The following LGSN variants were observed in gnomAD, a reference collection of about 807,000 sequenced individuals.
LGSN encodes the protein lengsin, lens protein with glutamine synthetase domain.
A neutral mutation model predicts 19.5 loss-of-function variants in LGSN; 21 were observed. That is an observed-to-expected ratio of 1.07 (90% CI 0.76 to 1.55). The LOEUF is 1.55. Ranked by LOEUF, LGSN falls within the 40% of genes most tolerant of loss-of-function variation. The pLI, the probability that LGSN is intolerant of heterozygous loss-of-function variation, is 0.00. For missense variants in LGSN, 673 were observed against 608.5 expected (o/e 1.11, Z -1.12); for synonymous variants, 257 against 215.6 (o/e 1.19, Z -1.68).
the LGSN span, among the ~76,000 whole-genome samples, chr6:63,435,737 A>T: frequency 6.6e-6 from 1 of 152,070 alleles, no homozygotes; most frequent in African/African-American, 2.4e-5. Flanking sequence ...AGTGGGTCGC[A>T]CTCAGTATCT....
At chr6:63,504,274 C>T in the LGSN span, among the ~76,000 whole-genome samples, 5 of 149,216 alleles carry the variant, frequency 3.4e-5, no homozygotes, top group African/African-American at 1.0e-4. Flanking sequence ...CAGAGTCTCG[C>T]TCTGTTGCCC....
the LGSN span, among the ~76,000 whole-genome samples, chr6:63,561,418 A>T: frequency 6.6e-6 from 1 of 152,222 alleles, no homozygotes; most frequent in South Asian, 2.1e-4. Context: ...CAACCAGCAC[A>T]TTCAGTACAG....
Position 63,276,933 on chromosome 6 carries a change from G to T in LGSN, c.*3088C>A, listed in dbSNP as rs2127378296. 1 of 152,282 alleles carries T rather than the reference G, an allele frequency of 6.6e-6. No individual in the cohort carries two copies. The highest frequency in any genetic ancestry group is 1.9e-4 in the East Asian group (1 of 5,188). 9.4% of individuals were successfully genotyped at this position (152,282 alleles called of 1,614,324 possible). On this transcript the variant is annotated 3_prime_UTR_variant, in exon 4 of 4. Coordinates refer to ENST00000370657, the MANE Select transcript of LGSN (RefSeq NM_016571.3). The stretch of plus-strand genomic sequence containing the variant: ...TTTGTCTTTGGCCCTGAACTCTGCT[G>T]GCCAATGCCTCTTTTTGGGTTGCCT...
At chr6:63,551,859 A>C in the LGSN span, among the ~76,000 whole-genome samples, 1 of 152,222 alleles carries the variant, frequency 6.6e-6, no homozygotes, top group Admixed American at 6.5e-5. Flanking sequence ...ACGTCCCTAC[A>C]AAGGACATGA....
chr6:63,404,891 G>A, the LGSN span, among the ~76,000 whole-genome samples: 1 of 151,752 alleles, frequency 6.6e-6, no homozygotes, highest in Non-Finnish European at 1.5e-5. Flanking sequence ...TGCCATGCTG[G>A]TGCACTGCAC....
the LGSN span, among the ~76,000 whole-genome samples, chr6:63,461,367 T>A: frequency 7.2e-5 from 11 of 152,300 alleles, no homozygotes; most frequent in South Asian, 2.1e-3. Flanking sequence ...TGTGCTCTTT[T>A]GGTTTTCTCT....
intron 2 of LGSN, among the ~76,000 whole-genome samples, chr6:63,286,999 T>C (rs1767565349): frequency 1.3e-5 from 2 of 152,194 alleles, no homozygotes; most frequent in Admixed American, 1.3e-4. Flanking sequence ...CAAACACCCA[T>C]CAATCTCTCA....
At chr6:63,412,501 AGAAAGAAAGAAAGAAAGAAAGAAAGAAG>A in the LGSN span, among the ~76,000 whole-genome samples, 185 of 109,152 alleles carry the variant, frequency 1.7e-3, 3 homozygotes, top group Admixed American at 7.5e-3. Context: ...AAAGAAAGAA[AGAAAGAAAGAAAGAAAGAAAGAAAGAAG>A]GAAAGAAAGA....
intron 1 of LGSN, among the ~76,000 whole-genome samples, chr6:63,311,137 G>A (rs1298651353): frequency 6.6e-6 from 1 of 152,136 alleles, no homozygotes; most frequent in Non-Finnish European, 1.5e-5. Context: ...TACTGGTAAA[G>A]CCATGTTTAT....
the LGSN span, among the ~76,000 whole-genome samples, chr6:63,474,866 T>C: frequency 7.0e-6 from 1 of 143,154 alleles, no homozygotes; most frequent in African/African-American, 2.6e-5. Context: ...GAGGTTGCGA[T>C]GATTTGAGAA....
the LGSN span, among the ~76,000 whole-genome samples, chr6:63,473,896 T>TA: frequency 6.7e-6 from 1 of 148,680 alleles, no homozygotes. Context: ...CATAATCATT[T>TA]AAAAAGCCCA....
At chr6:63,552,080 A>C in the LGSN span, among the ~76,000 whole-genome samples, 1 of 152,288 alleles carries the variant, frequency 6.6e-6, no homozygotes, top group Admixed American at 6.5e-5. Context: ...GCTGGGTCAA[A>C]TGGTATTTCT....
At chr6:63,436,750 T>C in the LGSN span, among the ~76,000 whole-genome samples, 2 of 152,132 alleles carry the variant, frequency 1.3e-5, no homozygotes, top group Non-Finnish European at 2.9e-5. Flanking sequence ...AAGATATTCT[T>C]AGAGGCTGGG....
At chr6:63,496,908 C>A in the LGSN span, among the ~76,000 whole-genome samples, 1 of 152,024 alleles carries the variant, frequency 6.6e-6, no homozygotes, top group Non-Finnish European at 1.5e-5. Flanking sequence ...TGTATAGGAT[C>A]CAAAGATAGT....
chr6:63,439,274 C>T, the LGSN span, among the ~76,000 whole-genome samples: 3 of 152,172 alleles, frequency 2.0e-5, no homozygotes, highest in East Asian at 5.8e-4. Flanking sequence ...TTAATGGGTG[C>T]AGCACACCAG....
At chr6:63,329,941 G>T in the LGSN span, among the ~76,000 whole-genome samples, 1 of 152,200 alleles carries the variant, frequency 6.6e-6, no homozygotes, top group African/African-American at 2.4e-5. Context: ...CAGGACAGGA[G>T]ATTAACACTG....
the LGSN span, among the ~76,000 whole-genome samples, chr6:63,421,028 G>T: frequency 6.9e-6 from 1 of 145,802 alleles, no homozygotes. Flanking sequence ...ACAGCAGAAT[G>T]TGGCTTGGTG....
At chr6:63,326,145 C>A in the LGSN span, among the ~76,000 whole-genome samples, 1 of 152,048 alleles carries the variant, frequency 6.6e-6, no homozygotes, top group Admixed American at 6.5e-5. Context: ...TACAGAGTGT[C>A]GATTGGTGCG....
the LGSN span, among the ~76,000 whole-genome samples, chr6:63,539,801 G>A: frequency 6.6e-6 from 1 of 151,728 alleles, no homozygotes; most frequent in African/African-American, 2.4e-5. Flanking sequence ...ATATGAATAG[G>A]CAATCTTCAG....
Sources: gnomAD v4.1 joint callset for allele counts (sites outside exome capture counted in the v4.1 genomes callset) on GRCh38, gnomAD v4.1.1 for gene constraint, MANE v1.5 for transcripts, NCBI Gene and HGNC (gene_info 2026-07-23, HGNC 2026-07-21) for gene names.